The following CCNT2 variants were observed in gnomAD, a reference collection of about 807,000 sequenced individuals.
CCNT2 encodes cyclin-T2.
In CCNT2, 18 loss-of-function variants were observed where a neutral mutation model predicts 70.0. That is an observed-to-expected ratio of 0.26 (90% CI 0.18 to 0.38). CCNT2 has a LOEUF of 0.38. CCNT2 is among the 10% of genes least tolerant of loss of function. The probability of loss-of-function intolerance (pLI) is 1.00; values close to 1 mark genes in which losing one functional copy is unlikely to be tolerated. For missense variants in CCNT2, 734 were observed against 890.2 expected, an observed-to-expected ratio of 0.82 and a Z score of 2.23; for synonymous variants, 334 against 313.3, an observed-to-expected ratio of 1.07 and a Z score of -0.70.
intron 7 of CCNT2, among the ~76,000 whole-genome samples, chr2:134,948,941 C>T (rs1682219144): frequency 6.6e-6 from 1 of 152,024 alleles, no homozygotes; most frequent in African/African-American, 2.4e-5. Flanking sequence ...TCTCAAACTC[C>T]TCACCTCAGA....
At chr2:134,919,133 G>C (rs1264101214) in intron 1 of CCNT2, 121 bp downstream of exon 1, 1 of 1,148,094 alleles carries the variant, frequency 8.7e-7, no homozygotes, top group East Asian at 2.5e-5. Flanking sequence ...GCCGCGGTCA[G>C]GGAAGTAATG....
Position 134,957,226 on chromosome 2 carries a change from A to G in CCNT2, c.*2578A>G, listed in dbSNP as rs1413299049. The G allele has an allele frequency of 2.0e-5, 3 of 152,190 alleles. No homozygotes were observed. Among genetic ancestry groups the G allele is most frequent in the African/African-American group, 4.8e-5 (2 of 41,454 alleles). The allele number at this position is 152,190 out of a possible 1,614,324, so 9.4% of individuals were successfully genotyped here. ...GGTCCCATTAGGCTCTACCAAAGAA[A>G]GACTCTGATGAGTGGACATTATTAC... is the stretch of plus-strand genomic sequence containing the variant. On this transcript the variant is annotated 3_prime_UTR_variant, in exon 9 of 9. Coordinates refer to ENST00000264157, the MANE Select transcript of CCNT2 (RefSeq NM_058241.3).
At position 134,936,891 on chromosome 2, in the gene CCNT2, T is replaced by C; in HGVS notation, c.291T>C (p.Ala97=). The change falls in exon 3 of 9, where the codon GCT becomes GCC. Residue 97 remains alanine (A), a synonymous_variant. Transcript: ENST00000264157. The stretch of plus-strand genomic sequence containing the variant: ...TGGCTGCAAAAGTGGAAGAACAGGC[T>C]CGAAAACTTGAACATGTTATCAAAG... ...LFLAAKVEEQ[A]RKLEHVIKVA... is the part of the protein sequence containing the mutation. 1.9e-6 allele frequency: 3 copies of C among 1,613,246 alleles called. No individual in the cohort carries two copies. The highest frequency in any genetic ancestry group is 2.5e-6 in the Non-Finnish European group (3 of 1,179,216).
chr2:134,954,650 A>T lies in CCNT2; in HGVS notation c.*2A>T. The T allele has an allele frequency of 6.4e-7, 1 of 1,570,226 alleles. No individual in the cohort carries two copies. Among genetic ancestry groups the T allele is most frequent in the African/African-American group, 1.4e-5 (1 of 73,662 alleles). On this transcript the variant is annotated 3_prime_UTR_variant, in exon 9 of 9. Coordinates refer to ENST00000264157, the MANE Select transcript of CCNT2 (RefSeq NM_058241.3). ...AGTGCCCAAGGAATGAACATGTAAT[A>T]ATTTGTTTAGGTCAATTTTTCCTTT...
At chr2:134,942,073 T>C (rs547398217) in intron 4 of CCNT2, among the ~76,000 whole-genome samples, 1 of 152,096 alleles carries the variant, frequency 6.6e-6, no homozygotes, top group East Asian at 1.9e-4. Context: ...AACAGTAGTT[T>C]AAGCAGTCAT....
Position 134,956,541 on chromosome 2 carries a change from TAGAATTAA to T in CCNT2, c.*1894_*1901del, listed in dbSNP as rs907674542. On this transcript the variant is annotated 3_prime_UTR_variant, in exon 9 of 9. Transcript: ENST00000264157. The stretch of plus-strand genomic sequence containing the variant: ...GTGGTACATAATCCAAGGACTAGTA[TAGAATTAA>T]GCTGAGTGCAAGATGAGGGAGGGAA... The T allele has an allele frequency of 6.6e-6, 1 of 152,522 alleles. No individual in the cohort carries two copies. Among genetic ancestry groups the T allele is most frequent in the African/African-American group, 2.4e-5 (1 of 41,444 alleles). 9.4% of individuals were successfully genotyped at this position (152,522 alleles called of 1,614,324 possible). A position where few individuals can be genotyped will look rare whatever the true frequency, so the allele number is the denominator to read the frequency against.
At chr2:134,939,154 G>A (rs2305153) in intron 4 of CCNT2, 92 bp downstream of exon 4, 1 of 917,214 alleles carries the variant, frequency 1.1e-6, no homozygotes, top group African/African-American at 1.7e-5. Flanking sequence ...TTGTATTATT[G>A]AAGAAAGTTA....
rs749781251 is a variant in CCNT2 at position 134,954,188 on chromosome 2, C to G, written c.1733C>G (p.Ser578Trp). 2 of 1,614,102 alleles carry G rather than the reference C, an allele frequency of 1.2e-6. No homozygotes were observed. The highest frequency in any genetic ancestry group is 1.7e-5 in the Admixed American group (1 of 60,012). Residue 578 changes from serine (S) to tryptophan (W), a missense_variant, in exon 9 of 9, where the codon TCG becomes TGG. Transcript: ENST00000264157. The stretch of plus-strand genomic sequence containing the variant: ...ACCAGCAGCCACAAGCATTCCCACT[C>G]GCATAGTGGCAGCAGCAGCGGTGGC... ...HHTSSHKHSHSHSGSSSGGSK... is the reference protein window; with the variant it reads ...HHTSSHKHSHWHSGSSSGGSK...
chr2:134,941,859 G>T (rs1311165522), intron 4 of CCNT2, among the ~76,000 whole-genome samples: 2 of 152,018 alleles, frequency 1.3e-5, no homozygotes, highest in South Asian at 2.1e-4. Context: ...AAAGTATTCT[G>T]CATATTTAAT....
intron 4 of CCNT2, 69 bp from the exon 5 acceptor site, chr2:134,942,543 G>C: frequency 9.6e-7 from 1 of 1,042,324 alleles, no homozygotes; most frequent in Non-Finnish European, 1.4e-6. Flanking sequence ...TATATTATAC[G>C]TTTATGGCAT....
chr2:134,957,594 G>A lies in CCNT2; in HGVS notation c.*2946G>A, dbSNP rs911904463. 6.0e-5 allele frequency: 6 copies of A among 99,352 alleles called. No homozygotes were observed. Among genetic ancestry groups the A allele is most frequent in the African/African-American group, 2.1e-4 (5 of 24,066 alleles). 6.2% of individuals were successfully genotyped at this position (99,352 alleles called of 1,614,324 possible). A position where few individuals can be genotyped will look rare whatever the true frequency, so the allele number is the denominator to read the frequency against. ...AGGTATTTTCAGAACCAAAGCAAAGGGTGGTTTGTTCACTGAAACATTCTT... is the reference window on the plus strand; with the variant it reads ...AGGTATTTTCAGAACCAAAGCAAAGAGTGGTTTGTTCACTGAAACATTCTT... On this transcript the variant is annotated 3_prime_UTR_variant, in exon 9 of 9. Transcript: ENST00000264157.
chr2:134,949,178 G>A (rs1286828349), intron 7 of CCNT2, among the ~76,000 whole-genome samples: 6 of 152,002 alleles, frequency 3.9e-5, no homozygotes, highest in East Asian at 1.9e-4. Flanking sequence ...ATGCCACCAC[G>A]CCCAGCTAAG....
At position 134,935,179 on chromosome 2, in the gene CCNT2, T is replaced by C. The variant is rs181571852; in HGVS notation, c.241-1662T>C. Among the ~76,000 whole-genome samples, 447 of 152,354 alleles carry C rather than the reference T, an allele frequency of 2.9e-3. 1 individual carries two copies. Among genetic ancestry groups the C allele is most frequent in the African/African-American group, 9.5e-3 (395 of 41,590 alleles). On this transcript the variant is annotated intron_variant, in intron 2 of 8. Coordinates refer to ENST00000264157, the MANE Select transcript of CCNT2 (RefSeq NM_058241.3). ...AAATTACTCTTTTGAGCATTCTCAA[T>C]TTTTCTAATCCTTTCCTTGTTGTAA... is the stretch of plus-strand genomic sequence containing the variant.
intron 2 of CCNT2, among the ~76,000 whole-genome samples, chr2:134,935,529 G>A (rs1681083519): frequency 1.3e-5 from 2 of 152,114 alleles, no homozygotes; most frequent in South Asian, 4.1e-4. Flanking sequence ...GGTAATTGTT[G>A]ACGCCCCCTG....
At chr2:134,953,037 G>A (rs942799332) in intron 8 of CCNT2, 193 bp from the exon 9 acceptor site, 1 of 500,980 alleles carries the variant, frequency 2.0e-6, no homozygotes, top group East Asian at 3.1e-5. Flanking sequence ...TAAAATGGGT[G>A]TTTTCAATTT....
intron 5 of CCNT2, chr2:134,944,592 A>G (rs527344795): frequency 4.5e-5 from 44 of 977,792 alleles, no homozygotes; most frequent in Admixed American, 2.5e-4. Context: ...TCCAAAACAA[A>G]TATTTAGACC....
At chr2:134,919,050 C>G in intron 1 of CCNT2, 38 bp downstream of exon 1, 1 of 1,551,258 alleles carries the variant, frequency 6.4e-7, no homozygotes, top group Non-Finnish European at 8.7e-7. Flanking sequence ...CGCCCTGTTT[C>G]CCTTGCCCGG....
rs1681369958 is a variant in CCNT2, at chr2:134,939,070, C to T, written c.430+8C>T. 1.3e-6 allele frequency: 2 copies of T among 1,586,332 alleles called. No homozygotes were observed. The highest frequency in any genetic ancestry group is 1.7e-6 in the Non-Finnish European group (2 of 1,155,860). On this transcript the variant is annotated splice_region_variant and intron_variant, in intron 4 of 8. Coordinates refer to ENST00000264157, the MANE Select transcript of CCNT2 (RefSeq NM_058241.3). ...TAATGCTACAAACTCTAGGTACGTA[C>T]TTACATCAGATAATGGCTTTTTGTG... is the stretch of plus-strand genomic sequence containing the variant.
rs1417493567 is a variant in CCNT2 at position 134,954,532 on chromosome 2, G to A, written c.2077G>A (p.Glu693Lys). 6.2e-7 allele frequency: 1 copy of A among 1,614,122 alleles called. No individual in the cohort carries two copies. Among genetic ancestry groups the A allele is most frequent in the Non-Finnish European group, 8.5e-7 (1 of 1,179,974 alleles). The change falls in exon 9 of 9, where the codon GAG becomes AAG. Residue 693 changes from glutamate to lysine, a missense_variant. Physicochemically the swap from Glu to Lys is moderately conservative, Grantham distance 56. Transcript: ENST00000264157. ...CGTGAAACTGGACAAGAAGCCAGTGGAGACCAACGGTCCTGATGCCAATCA... is the reference window on the plus strand; with the variant it reads ...CGTGAAACTGGACAAGAAGCCAGTGAAGACCAACGGTCCTGATGCCAATCA... ...TLVKLDKKPV[E>K]TNGPDANHEY...
Sources: gnomAD v4.1 joint callset for allele counts (sites outside exome capture counted in the v4.1 genomes callset) on GRCh38, gnomAD v4.1.1 for gene constraint, MANE v1.5 for transcripts, NCBI Gene and HGNC (gene_info 2026-07-23, HGNC 2026-07-21) for gene names.